The following PCDH11X variants were observed in gnomAD, a reference collection of about 807,000 sequenced individuals.
PCDH11X encodes the protein protocadherin 11 X-linked.
A neutral mutation model predicts 53.3 loss-of-function variants in PCDH11X; 18 were observed. The ratio of observed to expected loss-of-function variants is 0.34; its 90% CI spans 0.23 to 0.50. The LOEUF (loss-of-function observed/expected upper bound fraction) is 0.50, where lower values mean the gene tolerates loss of function less well. PCDH11X is among the 20% of genes least tolerant of loss of function. The pLI is 0.98. For missense variants in PCDH11X, 570 were observed against 1,032.4 expected, an observed-to-expected ratio of 0.55 and a Z score of 6.14; for synonymous variants, 279 against 393.3, an observed-to-expected ratio of 0.71 and a Z score of 3.44.
intron 6 of PCDH11X, among the ~76,000 whole-genome samples, chrX:91,946,556 C>CATA (rs2061573912): frequency 1.8e-5 from 1 of 54,281 alleles, no homozygotes; most frequent in Admixed American, 2.4e-4. Context: ...ACCTGTTTCC[C>CATA]TCATATATAT....
At chrX:91,919,614 C>T (rs1165794276) in intron 6 of PCDH11X, among the ~76,000 whole-genome samples, 2 of 110,440 alleles carry the variant, frequency 1.8e-5, no homozygotes, top group Non-Finnish European at 3.8e-5. Flanking sequence ...TAAAGAGTGA[C>T]GGGGAAAAAG....
intron 10 of PCDH11X, among the ~76,000 whole-genome samples, chrX:92,572,300 C>A (rs1922308519): frequency 9.1e-6 from 1 of 109,610 alleles, no homozygotes; most frequent in Admixed American, 9.9e-5. Context: ...TGGATGTGAG[C>A]AGCGGAAAAC....
intron 9 of PCDH11X, among the ~76,000 whole-genome samples, chrX:92,444,401 C>G (rs1305885731): frequency 2.5e-4 from 25 of 99,931 alleles, no homozygotes; most frequent in African/African-American, 9.2e-4. Context: ...GAAACTTTAC[C>G]ATAGTTCTTT....
chrX:92,507,440 G>A (rs1235328544), intron 10 of PCDH11X, among the ~76,000 whole-genome samples: 4 of 111,303 alleles, frequency 3.6e-5, no homozygotes, highest in African/African-American at 9.8e-5. Context: ...GTTCTCATTA[G>A]TTTCAAAGTG....
chrX:92,596,773 C>T, intron 10 of PCDH11X, among the ~76,000 whole-genome samples: 1 of 110,163 alleles, frequency 9.1e-6, no homozygotes, highest in Non-Finnish European at 1.9e-5. Flanking sequence ...AAACAACAGG[C>T]CCCAATGTCT....
intron 6 of PCDH11X, among the ~76,000 whole-genome samples, chrX:91,971,881 A>T: frequency 9.0e-6 from 1 of 111,645 alleles, no homozygotes; most frequent in African/African-American, 3.3e-5. Context: ...CTTTAGAAAT[A>T]AAACTACCTG....
intron 10 of PCDH11X, among the ~76,000 whole-genome samples, chrX:92,486,445 A>G (rs989180389): frequency 2.7e-5 from 3 of 111,813 alleles, no homozygotes; most frequent in Admixed American, 9.5e-5. Flanking sequence ...CAAATGCTCA[A>G]TATATATTGG....
chrX:92,611,198 G>A (rs1602445453), intron 10 of PCDH11X, among the ~76,000 whole-genome samples: 1 of 109,603 alleles, frequency 9.1e-6, no homozygotes, highest in Non-Finnish European at 1.9e-5. Flanking sequence ...GGATAGTATG[G>A]CCATTTTTAT....
At chrX:92,586,926 T>C (rs945151182) in intron 10 of PCDH11X, among the ~76,000 whole-genome samples, 1 of 110,514 alleles carries the variant, frequency 9.0e-6, no homozygotes, top group African/African-American at 3.3e-5. Context: ...GAGTCATATA[T>C]TTCTCATTTA....
chrX:92,596,730 C>T (rs1317042428), intron 10 of PCDH11X, among the ~76,000 whole-genome samples: 1 of 109,521 alleles, frequency 9.1e-6, no homozygotes, highest in Non-Finnish European at 1.9e-5. Flanking sequence ...AGCATGATAA[C>T]AAAGCCAGTC....
intron 6 of PCDH11X, among the ~76,000 whole-genome samples, chrX:92,071,686 T>G (rs1411477749): frequency 9.0e-6 from 1 of 111,374 alleles, no homozygotes; most frequent in Non-Finnish European, 1.9e-5. Flanking sequence ...TAGAGGTACC[T>G]CTTTGGTAGT....
intron 4 of PCDH11X, among the ~76,000 whole-genome samples, chrX:91,814,424 G>A (rs2524868): frequency 9.1e-6 from 1 of 109,388 alleles, no homozygotes; most frequent in Non-Finnish European, 1.9e-5. Flanking sequence ...ATAATCATTC[G>A]TCTTTTAAAA....
At chrX:92,059,305 T>G (rs1262030640) in intron 6 of PCDH11X, among the ~76,000 whole-genome samples, 1 of 111,295 alleles carries the variant, frequency 9.0e-6, no homozygotes, top group African/African-American at 3.3e-5. Flanking sequence ...ATATATTACA[T>G]TATTTGATCC....
At chrX:92,598,996 A>C (rs2148805381) in intron 10 of PCDH11X, among the ~76,000 whole-genome samples, 1 of 110,606 alleles carries the variant, frequency 9.0e-6, no homozygotes, top group South Asian at 3.9e-4. Flanking sequence ...AAACAATTGA[A>C]CTCATGGAGA....
intron 8 of PCDH11X, among the ~76,000 whole-genome samples, chrX:92,312,095 T>G (rs1312463609): frequency 5.4e-5 from 6 of 111,645 alleles, no homozygotes. Context: ...ATAACCAAAT[T>G]TGGCATCATT....
intron 6 of PCDH11X, among the ~76,000 whole-genome samples, chrX:92,161,063 A>G (rs1286667490): frequency 9.1e-6 from 1 of 109,690 alleles, no homozygotes; most frequent in African/African-American, 3.3e-5. Flanking sequence ...TAGATTCTGG[A>G]TATTAGTCCT....
chrX:91,835,175 A>G, intron 4 of PCDH11X: 1 of 667,943 alleles, frequency 1.5e-6, no homozygotes. Flanking sequence ...ATCTTGGTAT[A>G]TTAAAGTATT....
chrX:92,286,984 T>A (rs1385664228), intron 8 of PCDH11X, among the ~76,000 whole-genome samples: 2 of 105,906 alleles, frequency 1.9e-5, no homozygotes, highest in African/African-American at 6.9e-5. Context: ...AAACAGTGCC[T>A]GGAACATATT....
At chrX:92,222,350 A>G (rs2066897429) in intron 7 of PCDH11X, among the ~76,000 whole-genome samples, 1 of 111,987 alleles carries the variant, frequency 8.9e-6, no homozygotes, top group African/African-American at 3.2e-5. Context: ...AAGAAAAAAT[A>G]CTACAACAAT....
Sources: gnomAD v4.1 joint callset for allele counts (sites outside exome capture counted in the v4.1 genomes callset) on GRCh38, gnomAD v4.1.1 for gene constraint, MANE v1.5 for transcripts, NCBI Gene and HGNC (gene_info 2026-07-23, HGNC 2026-07-21) for gene names.